The following MYO18B variants were observed in gnomAD, a reference collection of about 807,000 sequenced individuals.
MYO18B encodes myosin XVIIIB.
In MYO18B, 204 loss-of-function variants were observed where a neutral mutation model predicts 273.0. The observed-to-expected ratio is 0.75, with a 90% CI of 0.67 to 0.84. The LOEUF is 0.84. Among genes scored for constraint, MYO18B ranks in the 40% least tolerant of loss-of-function variants. The pLI, the probability that MYO18B is intolerant of heterozygous loss-of-function variation, is 0.00. For synonymous variants in MYO18B, 1,330 were observed against 1,305.7 expected, an observed-to-expected ratio of 1.02 and a Z score of -0.40; for missense variants, 3,212 against 3,287.6, an observed-to-expected ratio of 0.98 and a Z score of 0.56.
intron 40 of MYO18B, among the ~76,000 whole-genome samples, chr22:25,993,330 C>T (rs1156748277): frequency 3.9e-5 from 6 of 152,298 alleles, no homozygotes; most frequent in African/African-American, 7.2e-5. Context: ...TCCCTGCCCC[C>T]GTTCTAGCCT....
intron 7 of MYO18B, among the ~76,000 whole-genome samples, chr22:25,775,225 T>C (rs1046846231): frequency 3.3e-5 from 5 of 152,196 alleles, no homozygotes; most frequent in African/African-American, 1.2e-4. Context: ...ATCCCTCCTT[T>C]GCCTGCATTA....
chr22:25,898,343 A>G lies in MYO18B; in HGVS notation c.4705A>G (p.Lys1569Glu). 6.2e-7 allele frequency: 1 copy of G among 1,614,000 alleles called. No individual in the cohort carries two copies. The highest frequency in any genetic ancestry group is 8.5e-7 in the Non-Finnish European group (1 of 1,179,868). Residue 1569 changes from lysine (K) to glutamate (E), a missense_variant, in exon 29 of 44, where the codon AAG becomes GAG. Lys to Glu is a moderately conservative substitution (Grantham distance 56, BLOSUM62 1). Transcript: ENST00000335473. ...ELQSAYDGAK[K>E]MAHQLKRKCH... ...GCAAAGTGCTTATGACGGGGCCAAG[A>G]AGATGGCTCACCAACTGAAGAGGAA... is the stretch of plus-strand genomic sequence containing the variant.
At chr22:25,971,048 C>T (rs1310739959) in intron 39 of MYO18B, among the ~76,000 whole-genome samples, 1 of 152,198 alleles carries the variant, frequency 6.6e-6, no homozygotes, top group Non-Finnish European at 1.5e-5. Context: ...TGTAGAGGGA[C>T]AGGTAGTAAA....
chr22:25,798,612 A>G (rs1180288528), intron 12 of MYO18B, among the ~76,000 whole-genome samples: 3 of 151,894 alleles, frequency 2.0e-5, no homozygotes, highest in Non-Finnish European at 2.9e-5. Flanking sequence ...TGTTCAGGGC[A>G]GTAGTGGTGC....
intron 12 of MYO18B, among the ~76,000 whole-genome samples, chr22:25,807,273 G>GGT (rs1419445418): frequency 6.6e-6 from 1 of 152,222 alleles, no homozygotes; most frequent in Non-Finnish European, 1.5e-5. Context: ...AGAGGCCAAG[G>GGT]GTAGTGTAGG....
intron 21 of MYO18B, among the ~76,000 whole-genome samples, chr22:25,855,900 A>G (rs116504007): frequency 4.0e-5 from 6 of 151,040 alleles, no homozygotes; most frequent in African/African-American, 1.2e-4. Flanking sequence ...GGTAAATTTC[A>G]TGTTACAAGG....
At chr22:25,919,923 A>G (rs2092317307) in intron 33 of MYO18B, among the ~76,000 whole-genome samples, 2 of 152,168 alleles carry the variant, frequency 1.3e-5, no homozygotes, top group South Asian at 4.2e-4. Flanking sequence ...TTTGGAATCC[A>G]TTATCACATC....
intron 39 of MYO18B, among the ~76,000 whole-genome samples, chr22:25,982,985 C>G (rs1198094512): frequency 1.3e-5 from 2 of 152,164 alleles, no homozygotes; most frequent in Non-Finnish European, 2.9e-5. Flanking sequence ...TTTCAAAACT[C>G]TAAGTGTTCG....
intron 42 of MYO18B, among the ~76,000 whole-genome samples, chr22:26,006,746 T>C (rs915157944): frequency 6.6e-6 from 1 of 152,172 alleles, no homozygotes; most frequent in Non-Finnish European, 1.5e-5. Flanking sequence ...TAAATCATGA[T>C]TGTTGTCAGG....
In MYO18B at chr22:25,875,511, C is replaced by CA. The variant is rs376035135; in HGVS notation, c.4081-678_4081-677insA. 7.3e-4 allele frequency among the ~76,000 whole-genome samples: 111 copies of CA among 152,020 alleles called. No homozygotes were observed. In the Middle Eastern group the frequency reaches 0.01, roughly 14 times the overall value. The stretch of plus-strand genomic sequence containing the variant: ...CCAGTCAGTGCTGTTCTGGTCCCCC[C>CA]CCCAGTGATAAGAATGAAGCGGGTC... On this transcript the variant is annotated intron_variant, in intron 23 of 43. Transcript: ENST00000335473.
At position 25,826,452 on chromosome 22, in the gene MYO18B, G is replaced by C; in HGVS notation, c.2739G>C (p.Ser913=). 1 of 1,613,770 alleles carries C rather than the reference G, an allele frequency of 6.2e-7. No homozygotes were observed. Among genetic ancestry groups the C allele is most frequent in the Non-Finnish European group, 8.5e-7 (1 of 1,179,762 alleles). ...TGVDCVEGMA[S]GLYQELFAAV... is the part of the protein sequence containing the mutation. ...TGGACTGTGTGGAGGGGATGGCCTCGGGCCTGTACCAGGAACTCTTTGCGG... is the reference window on the plus strand; with the variant it reads ...TGGACTGTGTGGAGGGGATGGCCTCCGGCCTGTACCAGGAACTCTTTGCGG... The change falls in exon 14 of 44, where the codon TCG becomes TCC. Residue 913 remains serine (S), a synonymous_variant. Transcript: ENST00000335473.
Position 25,847,434 on chromosome 22 carries a change from C to T in MYO18B, c.3557C>T (p.Ala1186Val), listed in dbSNP as rs571747300. 53 of 1,565,328 alleles carry T rather than the reference C, an allele frequency of 3.4e-5. 1 individual carries two copies. The South Asian group carries it at 5.1e-4, about 15-fold the overall frequency. ...ACCTCCCTCTATTTGGTCTAGGATG[C>T]GCTGACCAGCATGATCAAAAGGTCC... ...PCSQIKLQMD[A>V]LTSMIKRSRL... The change falls in exon 20 of 44, where the codon GCG becomes GTG. Residue 1186 changes from alanine (A) to valine (V), a missense_variant. Coordinates refer to ENST00000335473, the MANE Select transcript of MYO18B (RefSeq NM_032608.7).
At chr22:25,844,383 T>G (rs1196356810) in intron 18 of MYO18B, among the ~76,000 whole-genome samples, 2 of 150,548 alleles carry the variant, frequency 1.3e-5, no homozygotes, top group Admixed American at 1.3e-4. Flanking sequence ...TGTGTGTGCA[T>G]GCACACTCCC....
chr22:25,920,366 C>T (rs187932387), intron 33 of MYO18B, among the ~76,000 whole-genome samples: 98 of 152,270 alleles, frequency 6.4e-4, no homozygotes, highest in Admixed American at 4.6e-4. Flanking sequence ...AGAGAGGTGA[C>T]CAGCTGTCGA....
At chr22:26,055,534 A>G in the MYO18B span, among the ~76,000 whole-genome samples, 9 of 152,340 alleles carry the variant, frequency 5.9e-5, no homozygotes, top group African/African-American at 1.9e-4. Flanking sequence ...GAGAAAGGAA[A>G]ACAACTCCCT....
intron 43 of MYO18B, among the ~76,000 whole-genome samples, chr22:26,029,271 G>T (rs1289244949): frequency 6.6e-6 from 1 of 152,084 alleles, no homozygotes; most frequent in African/African-American, 2.4e-5. Context: ...GGCTCTCAGG[G>T]TGCACCTGCT....
At chr22:25,754,312 G>A (rs1183192438) in intron 1 of MYO18B, among the ~76,000 whole-genome samples, 1 of 152,216 alleles carries the variant, frequency 6.6e-6, no homozygotes, top group African/African-American at 2.4e-5. Flanking sequence ...TTGGAAGGGC[G>A]TATCCTGGAG....
chr22:25,992,853 A>G (rs2093284488), intron 40 of MYO18B, among the ~76,000 whole-genome samples: 1 of 152,196 alleles, frequency 6.6e-6, no homozygotes. Context: ...AATTGCCAAG[A>G]TTGGACTATT....
At chr22:25,963,178 T>TCACACA (rs1555968886) in intron 39 of MYO18B, among the ~76,000 whole-genome samples, 6 of 144,072 alleles carry the variant, frequency 4.2e-5, no homozygotes, top group East Asian at 2.0e-4. Context: ...TCTCTCTCTC[T>TCACACA]CACACACACA....
Sources: allele counts gnomAD v4.1 joint callset (sites outside exome capture counted in the v4.1 genomes callset), GRCh38; gene constraint gnomAD v4.1.1; transcripts MANE v1.5; gene names NCBI Gene and HGNC (gene_info 2026-07-23, HGNC 2026-07-21).